CELSR3: variants seen among roughly 807,000 people sequenced by gnomAD.
The protein encoded by CELSR3 is EGF-like protein 1.
CELSR3 carries 73 observed loss-of-function variants against 270.0 expected under a neutral mutation model. The ratio of observed to expected loss-of-function variants is 0.27; its 90% CI spans 0.22 to 0.33. The LOEUF (loss-of-function observed/expected upper bound fraction) is 0.33, where lower values mean the gene tolerates loss of function less well. CELSR3 is among the 10% of genes least tolerant of loss of function. CELSR3 has a pLI of 1.00. For missense variants in CELSR3, 3,614 were observed against 4,533.8 expected (o/e 0.80, Z 5.83); for synonymous variants, 1,780 against 1,905.4 (o/e 0.93, Z 1.71).
rs1335499555 is a variant in CELSR3, at chr3:48,660,984, C to G, written c.1651G>C (p.Val551Leu). The G allele has an allele frequency of 1.9e-6, 3 of 1,613,790 alleles. No individual in the cohort carries two copies. The African/African-American group carries it at 4.0e-5, about 22-fold the overall frequency. The change falls in exon 1 of 35, where the codon GTG (valine) becomes CTG (leucine). Residue 551 changes from valine (V) to leucine (L), a missense_variant. By Grantham distance (32) the Val-to-Leu change is conservative (BLOSUM62 1). Transcript: ENST00000164024. This position sits in a 1 kb window ranked among gnomAD's most constrained non-coding sequence, Gnocchi z 5.5. ...NAPQFSEKRY[V>L]AQVREDVRPH... ...CGCACATCCTCGCGCACCTGCGCCA[C>G]GTAGCGCTTCTCGCTGAACTGAGGA... is the stretch of plus-strand genomic sequence containing the variant.
At position 48,662,278 on chromosome 3, in the gene CELSR3, G is replaced by T. The variant is rs911871172; in HGVS notation, c.357C>A (p.Gly119=). ...LGIEHGVQPL[G]SRERETGQGP... ...CCTGTCCTGTCTCTCGTTCGCGGCT[G>T]CCCAATGGCTGGACGCCGTGTTCAA... Residue 119 remains glycine (G), a synonymous_variant, in exon 1 of 35, where the codon GGC becomes GGA. Transcript: ENST00000164024. The surrounding 1 kb of genome is among the most constrained non-coding windows in gnomAD (Gnocchi z 7.1). 1.2e-6 allele frequency: 2 copies of T among 1,612,978 alleles called. No individual in the cohort carries two copies. Among genetic ancestry groups the T allele is most frequent in the African/African-American group, 2.7e-5 (2 of 74,930 alleles).
In CELSR3 at chr3:48,652,543, G is replaced by T. The variant is rs878928399; in HGVS notation, c.5645C>A (p.Ala1882Glu). 5.6e-6 allele frequency: 9 copies of T among 1,608,710 alleles called. No homozygotes were observed. The African/African-American group carries it at 1.2e-4, about 21-fold the overall frequency. Residue 1882 changes from alanine to glutamate, a missense_variant, in exon 11 of 35, where the codon GCG becomes GAG. Ala to Glu is a moderately radical substitution (Grantham distance 107). This residue lies in a region of CELSR3 where 1,331 missense variants were observed against 1,933.7 expected (regional missense o/e 0.69). Transcript: ENST00000164024. The surrounding 1 kb of genome is among the most constrained non-coding windows in gnomAD (Gnocchi z 4.3). ...CAGGCCCTGCAGCTCACTCCCCACC[G>T]CCATGGTGTCCTGGAGGAAGTGGGG... ...LDFSLFQDTMAVGSELQGLKV... is the reference protein window; with the variant it reads ...LDFSLFQDTMEVGSELQGLKV...
rs763856008 is a variant in CELSR3, at chr3:48,645,693, C to T, written c.7591-44G>A. On this transcript the variant is annotated intron_variant, in intron 23 of 34. Coordinates refer to ENST00000164024, the MANE Select transcript of CELSR3 (RefSeq NM_001407.3). The surrounding 1 kb of genome is among the most constrained non-coding windows in gnomAD (Gnocchi z 5.4). ...TTGATGGGTTGTTGGGCAGAATCCC[C>T]GTGTCCCTTTGACCCCCCACTTCCT... 37 of 1,600,396 alleles carry T rather than the reference C, an allele frequency of 2.3e-5. No individual in the cohort carries two copies. The East Asian group carries it at 4.0e-4, about 18-fold the overall frequency.
In CELSR3 at chr3:48,660,737, T is replaced by C. The variant is rs1038582136; in HGVS notation, c.1898A>G (p.Asn633Ser). The change falls in exon 1 of 35, where the codon AAC (asparagine) becomes AGC (serine). Residue 633 changes from asparagine to serine, a missense_variant. Physicochemically the swap from Asn to Ser is conservative, Grantham distance 46. This residue lies in a region of CELSR3 where 354 missense variants were observed against 500.9 expected (regional missense o/e 0.71). Coordinates refer to ENST00000164024, the MANE Select transcript of CELSR3 (RefSeq NM_001407.3). This position sits in a 1 kb window ranked among gnomAD's most constrained non-coding sequence, Gnocchi z 5.5. ...QDAGRPPLSN[N>S]TGLASIQVVD... is the part of the protein sequence containing the mutation. ...CACCTGGATGCTGGCCAGGCCCGTGTTGTTGGACAGCGGTGGCCGGCCAGC... is the reference window on the plus strand; with the variant it reads ...CACCTGGATGCTGGCCAGGCCCGTGCTGTTGGACAGCGGTGGCCGGCCAGC... The C allele has an allele frequency of 1.2e-6, 2 of 1,614,104 alleles. No homozygotes were observed. Among genetic ancestry groups the C allele is most frequent in the African/African-American group, 2.7e-5 (2 of 75,068 alleles).
At position 48,640,021 on chromosome 3, in the gene CELSR3, G is replaced by T. The variant is rs761499699; in HGVS notation, c.9564C>A (p.Ser3188=). 3 of 1,611,852 alleles carry T rather than the reference G, an allele frequency of 1.9e-6. No homozygotes were observed. The Admixed American group carries it at 5.0e-5, about 27-fold the overall frequency. Residue 3188 remains serine, a synonymous_variant, in exon 34 of 35, where the codon TCC becomes TCA. Transcript: ENST00000164024. The surrounding 1 kb of genome is among the most constrained non-coding windows in gnomAD (Gnocchi z 7.5). ...RQLSRDPLLP[S]RPLDSLSRSS... is the part of the protein sequence containing the mutation. ...TCCTAGACAGAGAGTCCAGCGGCCG[G>T]GATGGCAAGAGGGGGTCCCTTGAGA... is the stretch of plus-strand genomic sequence containing the variant.
chr3:48,645,954 TG>T lies in CELSR3; in HGVS notation c.7464-87del. ...GATCATGGGAAGGGCTGAGGGTGCC[TG>T]GAGTTGGGGTACAGCATTCCTCATG... is the stretch of plus-strand genomic sequence containing the variant. On this transcript the variant is annotated intron_variant, in intron 22 of 34. Transcript: ENST00000164024. The surrounding 1 kb of genome is among the most constrained non-coding windows in gnomAD (Gnocchi z 5.4). The T allele has an allele frequency of 6.4e-7, 1 of 1,569,074 alleles. No homozygotes were observed. The highest frequency in any genetic ancestry group is 1.7e-5 in the Admixed American group (1 of 57,706).
rs1393979002 is a variant in CELSR3, at chr3:48,641,643, G to A, written c.8825-119C>T. On this transcript the variant is annotated intron_variant, in intron 32 of 34. Transcript: ENST00000164024. The surrounding 1 kb of genome is among the most constrained non-coding windows in gnomAD (Gnocchi z 4.8). ...CATTGAGCAGAGGTGGGAACAGGAGGGTATCTCCTCAGAGATCAATGGGTG... is the reference window on the plus strand; with the variant it reads ...CATTGAGCAGAGGTGGGAACAGGAGAGTATCTCCTCAGAGATCAATGGGTG... 1 of 855,180 alleles carries A rather than the reference G, an allele frequency of 1.2e-6. No individual in the cohort carries two copies. Among genetic ancestry groups the A allele is most frequent in the Non-Finnish European group, 1.8e-6 (1 of 551,916 alleles). The allele number at this position is 855,180 out of a possible 1,614,324, so 53.0% of individuals were successfully genotyped here. A position where few individuals can be genotyped will look rare whatever the true frequency, so the allele number is the denominator to read the frequency against.
At position 48,657,077 on chromosome 3, in the gene CELSR3, C is replaced by T. The variant is rs1426152129; in HGVS notation, c.4020G>A (p.Ala1340=). 5.6e-6 allele frequency: 9 copies of T among 1,613,858 alleles called. No homozygotes were observed. The highest frequency in any genetic ancestry group is 2.2e-5 in the East Asian group (1 of 44,876). ...FSALAPRGAG[A]GAAGPWFSSE... ...AGCTGAACCAGGGCCCTGCAGCGCC[C>T]GCCCCGGCCCCACGTGGAGCTAGCG... is the stretch of plus-strand genomic sequence containing the variant. The change falls in exon 2 of 35, where the codon GCG becomes GCA. Residue 1340 remains alanine, a synonymous_variant. Transcript: ENST00000164024. The surrounding 1 kb of genome is among the most constrained non-coding windows in gnomAD (Gnocchi z 5.4).
At position 48,654,432 on chromosome 3, in the gene CELSR3, G is replaced by A. The variant is rs141878933; in HGVS notation, c.5009C>T (p.Pro1670Leu). The change falls in exon 7 of 35, where the codon CCT becomes CTT. Residue 1670 changes from proline (P) to leucine (L), a missense_variant. Pro to Leu is a moderately conservative substitution (Grantham distance 98, BLOSUM62 -3). Coordinates refer to ENST00000164024, the MANE Select transcript of CELSR3 (RefSeq NM_001407.3). The surrounding 1 kb of genome is among the most constrained non-coding windows in gnomAD (Gnocchi z 5.4). ...SSKKSLDLTG[P>L]LLLGGVPNLP... ...GTTGGGGACACCTCCCAGAAGAAGA[G>A]GGCCCGTCAGGTCCAGGGACCTGGG... is the stretch of plus-strand genomic sequence containing the variant. 69 of 1,597,794 alleles carry A rather than the reference G, an allele frequency of 4.3e-5. No homozygotes were observed. Among genetic ancestry groups the A allele is most frequent in the Admixed American group, 1.4e-4 (8 of 58,890 alleles).
chr3:48,654,966 G>A lies in CELSR3; in HGVS notation c.4988+78C>T. On this transcript the variant is annotated intron_variant, in intron 6 of 34. Transcript: ENST00000164024. This position sits in a 1 kb window ranked among gnomAD's most constrained non-coding sequence, Gnocchi z 5.4. ...AAGATGGGAGAGTTTGGCAGGATGG[G>A]ATGAGGAATGGGATGTGAAGGGTTG... The A allele has an allele frequency of 1.0e-5, 14 of 1,399,044 alleles. No individual in the cohort carries two copies. The highest frequency in any genetic ancestry group is 1.4e-5 in the Non-Finnish European group (14 of 987,676). 86.7% of individuals were successfully genotyped at this position (1,399,044 alleles called of 1,614,324 possible). A position where few individuals can be genotyped will look rare whatever the true frequency, so the allele number is the denominator to read the frequency against.
At chr3:48,638,361 C>T (rs957292238) in intron 34 of CELSR3, 129 bp from the exon 35 acceptor site, 40 of 712,410 alleles carry the variant, frequency 5.6e-5, no homozygotes, top group South Asian at 5.1e-4. Flanking sequence ...TCTTAGCCCC[C>T]AGCCCCTTCA....
At position 48,651,056 on chromosome 3, in the gene CELSR3, CGCG is replaced by C. The variant is rs2047132833; in HGVS notation, c.6203_6205del (p.Pro2068del). On this transcript the variant is annotated inframe_deletion, in exon 15 of 35. Coordinates refer to ENST00000164024, the MANE Select transcript of CELSR3 (RefSeq NM_001407.3). The surrounding 1 kb of genome is among the most constrained non-coding windows in gnomAD (Gnocchi z 7.4). The stretch of plus-strand genomic sequence containing the variant: ...ACATGGGAGGCAAGAGTCACTGCCC[CGCG>C]GTCGGTAGTGGAACTCCTGTTTGAG... 1 of 1,572,722 alleles carries C rather than the reference CGCG, an allele frequency of 6.4e-7. No individual in the cohort carries two copies. The highest frequency in any genetic ancestry group is 8.6e-7 in the Non-Finnish European group (1 of 1,158,996).
Position 48,650,293 on chromosome 3 carries a change from C to T in CELSR3, c.6472+187G>A, listed in dbSNP as rs2047125121. 1.4e-6 allele frequency: 1 copy of T among 693,158 alleles called. No homozygotes were observed. The highest frequency in any genetic ancestry group is 2.8e-5 in the East Asian group (1 of 36,244). 42.9% of individuals were successfully genotyped at this position (693,158 alleles called of 1,614,324 possible). On this transcript the variant is annotated intron_variant, in intron 16 of 34. Coordinates refer to ENST00000164024, the MANE Select transcript of CELSR3 (RefSeq NM_001407.3). The surrounding 1 kb of genome is among the most constrained non-coding windows in gnomAD (Gnocchi z 5.1). Reference sequence around the variant, plus strand: ...CCCTTACCTGCACCCCGCAATCCTGCCCAGAAGCCAAGAGAAACAGATGGA... The same window carrying T: ...CCCTTACCTGCACCCCGCAATCCTGTCCAGAAGCCAAGAGAAACAGATGGA...
At position 48,641,247 on chromosome 3, in the gene CELSR3, A is replaced by G. The variant is rs2106697488; in HGVS notation, c.9025+77T>C. 1 of 946,952 alleles carries G rather than the reference A, an allele frequency of 1.1e-6. No homozygotes were observed. The highest frequency in any genetic ancestry group is 1.7e-6 in the Non-Finnish European group (1 of 594,340). The allele number at this position is 946,952 out of a possible 1,614,324, so 58.7% of individuals were successfully genotyped here. ...GAAGAGCTCTCAGTTTGGGATGAGG[A>G]AGCTGCAATCCCTTGGCTCAGGGCA... On this transcript the variant is annotated intron_variant, in intron 33 of 34. Transcript: ENST00000164024. This position sits in a 1 kb window ranked among gnomAD's most constrained non-coding sequence, Gnocchi z 4.8.
rs1308712604 is a variant in CELSR3 at position 48,654,018 on chromosome 3, C to T, written c.5153-15G>A. ...GGCTTGGCAGCCTGGGAGAGGAAAG[C>T]ACATGGCGGACATGAGAACAAGGGT... On this transcript the variant is annotated splice_polypyrimidine_tract_variant and intron_variant, in intron 7 of 34. Transcript: ENST00000164024. The surrounding 1 kb of genome is among the most constrained non-coding windows in gnomAD (Gnocchi z 5.4). 1.9e-6 allele frequency: 3 copies of T among 1,610,914 alleles called. No homozygotes were observed. Among genetic ancestry groups the T allele is most frequent in the Non-Finnish European group, 2.5e-6 (3 of 1,178,304 alleles).
At position 48,659,438 on chromosome 3, in the gene CELSR3, A is replaced by C. The variant is rs775630712; in HGVS notation, c.3197T>G (p.Val1066Gly). Residue 1066 changes from valine to glycine, a missense_variant, in exon 1 of 35, where the codon GTC becomes GGC. By Grantham distance (109) the Val-to-Gly change is moderately radical (BLOSUM62 -3). This residue lies in a region of CELSR3 where 1,331 missense variants were observed against 1,933.7 expected (regional missense o/e 0.69). Transcript: ENST00000164024. The surrounding 1 kb of genome is among the most constrained non-coding windows in gnomAD (Gnocchi z 8.1). ...CACCTCAAACTCCTCAGCTGGGAAG[A>C]CAGGTGCATTGTCGTTCACATCCTG... ...MVQDVNDNAP[V>G]FPAEEFEVRV... is the part of the protein sequence containing the mutation. The C allele has an allele frequency of 3.1e-6, 5 of 1,614,204 alleles. No homozygotes were observed. In the South Asian group the frequency reaches 5.5e-5, roughly 18 times the overall value.
In CELSR3 at chr3:48,646,284, G is replaced by A. The variant is rs202173224; in HGVS notation, c.7296-27C>T. The A allele has an allele frequency of 7.0e-5, 112 of 1,596,040 alleles. No homozygotes were observed. Among genetic ancestry groups the A allele is most frequent in the East Asian group, 1.3e-4 (6 of 44,580 alleles). ...TGGGGAGACACCCATCTGGGCTTAC[G>A]CACTGCTGACCTCCCCATGCTCAGC... On this transcript the variant is annotated intron_variant, in intron 21 of 34. Transcript: ENST00000164024. This position sits in a 1 kb window ranked among gnomAD's most constrained non-coding sequence, Gnocchi z 4.8.
Position 48,661,327 on chromosome 3 carries a change from C to T in CELSR3, c.1308G>A (p.Ala436=), listed in dbSNP as rs534448979. 1 of 1,613,362 alleles carries T rather than the reference C, an allele frequency of 6.2e-7. No homozygotes were observed. The highest frequency in any genetic ancestry group is 8.5e-7 in the Non-Finnish European group (1 of 1,179,906). The stretch of plus-strand genomic sequence containing the variant: ...TCTCGCGAAGGGTCTCCCGGTACTG[C>T]GCTTGCTCAAAAACCGGCGAGTGGT... ...RNDHSPVFEQ[A]QYRETLRENV... The change falls in exon 1 of 35, where the codon GCG becomes GCA. Residue 436 remains alanine, a synonymous_variant. Coordinates refer to ENST00000164024, the MANE Select transcript of CELSR3 (RefSeq NM_001407.3).
Position 48,652,351 on chromosome 3 carries a change from A to T in CELSR3, c.5751+86T>A. ...ACCCCCTCGCACCAACCCCCACTTG[A>T]ATACTGCCTTTCAGGTCCCAAGGAG... is the stretch of plus-strand genomic sequence containing the variant. On this transcript the variant is annotated intron_variant, in intron 11 of 34. Coordinates refer to ENST00000164024, the MANE Select transcript of CELSR3 (RefSeq NM_001407.3). This position sits in a 1 kb window ranked among gnomAD's most constrained non-coding sequence, Gnocchi z 4.3. 1 of 1,111,410 alleles carries T rather than the reference A, an allele frequency of 9.0e-7. No individual in the cohort carries two copies. The allele number at this position is 1,111,410 out of a possible 1,614,324, so 68.8% of individuals were successfully genotyped here. A position where few individuals can be genotyped will look rare whatever the true frequency, so the allele number is the denominator to read the frequency against.
Sources: allele counts gnomAD v4.1 joint callset, GRCh38; gene constraint gnomAD v4.1.1; regional missense constraint gnomAD v4.1.1; non-coding constraint Gnocchi (gnomAD v3.1); transcripts MANE v1.5; gene names NCBI Gene and HGNC (gene_info 2026-07-23, HGNC 2026-07-21).